Variants in PLD5 observed in about 807,000 individuals in gnomAD.
PLD5 encodes the protein phospholipase D family member 5, also known as inactive phospholipase D5.
PLD5 carries 36 observed loss-of-function variants against 61.1 expected under a neutral mutation model. The ratio of observed to expected loss-of-function variants is 0.59; its 90% CI spans 0.45 to 0.78. The LOEUF (loss-of-function observed/expected upper bound fraction) is 0.78, where lower values mean the gene tolerates loss of function less well. PLD5 is among the 30% of genes least tolerant of loss of function. PLD5 has a pLI of 0.00. For synonymous variants in PLD5, 243 were observed against 242.8 expected (o/e 1.00, Z -0.01); for missense variants, 515 against 644.4 (o/e 0.80, Z 2.17).
At chr1:242,346,023 C>A (rs868671479) in intron 2 of PLD5, among the ~76,000 whole-genome samples, 1 of 72,824 alleles carries the variant, frequency 1.4e-5, no homozygotes, top group Non-Finnish European at 2.6e-5. Context: ...TCCCCCCCCC[C>A]CATATATACA....
At chr1:242,171,182 G>A (rs1424975504) in intron 5 of PLD5, among the ~76,000 whole-genome samples, 2 of 152,208 alleles carry the variant, frequency 1.3e-5, no homozygotes, top group Non-Finnish European at 2.9e-5. Flanking sequence ...CAGACTAACA[G>A]TAGATCTCTC....
chr1:242,515,922 A>T (rs1572277987), intron 1 of PLD5, among the ~76,000 whole-genome samples: 1 of 152,212 alleles, frequency 6.6e-6, no homozygotes, highest in East Asian at 1.9e-4. Flanking sequence ...AGAAGTTATG[A>T]GAGCTACAGA....
At chr1:242,233,473 T>C (rs1671438480) in intron 4 of PLD5, among the ~76,000 whole-genome samples, 1 of 151,888 alleles carries the variant, frequency 6.6e-6, no homozygotes, top group Admixed American at 6.6e-5. Flanking sequence ...AAATCACTAT[T>C]AGAAGAGACT....
intron 1 of PLD5, among the ~76,000 whole-genome samples, chr1:242,486,795 A>C (rs1312606197): frequency 6.6e-6 from 1 of 152,184 alleles, no homozygotes; most frequent in Non-Finnish European, 1.5e-5. Flanking sequence ...ACAATAGCAA[A>C]GACTTGGAAC....
intron 5 of PLD5, among the ~76,000 whole-genome samples, chr1:242,158,880 A>T (rs1346346657): frequency 6.6e-6 from 1 of 152,128 alleles, no homozygotes; most frequent in Non-Finnish European, 1.5e-5. Flanking sequence ...TGACGAACCT[A>T]TTGAGAGAAA....
chr1:242,124,491 T>G lies in PLD5; in HGVS notation c.910A>C (p.Thr304Pro). The change falls in exon 6 of 10, where the codon ACC becomes CCC. Residue 304 changes from threonine (T) to proline (P), a missense_variant. This residue lies in a region of PLD5 where 450 missense variants were observed against 598.1 expected (regional missense o/e 0.75). Coordinates refer to ENST00000536534, the MANE Select transcript of PLD5 (RefSeq NM_001372062.1). ...ACCGATACAAATGCTTGAGATTTGG[T>G]TTCATTCAACTGAAGTTGCAATTTC... ...EKKLQLQLNE[T>P]KSQAFVSNSP... 6.2e-7 allele frequency: 1 copy of G among 1,614,024 alleles called. No homozygotes were observed. The highest frequency in any genetic ancestry group is 8.5e-7 in the Non-Finnish European group (1 of 1,179,940).
At chr1:242,250,350 C>T (rs1364492155) in intron 4 of PLD5, among the ~76,000 whole-genome samples, 3 of 152,104 alleles carry the variant, frequency 2.0e-5, no homozygotes, top group Non-Finnish European at 4.4e-5. Flanking sequence ...GGTAGAAACA[C>T]GCATTACAGT....
At chr1:242,099,434 T>G (rs1407734407) in intron 9 of PLD5, among the ~76,000 whole-genome samples, 2 of 152,168 alleles carry the variant, frequency 1.3e-5, no homozygotes, top group African/African-American at 4.8e-5. Context: ...GCCAGATATA[T>G]ATCTTTAAAA....
At chr1:242,092,939 A>G (rs1262257575) in intron 9 of PLD5, among the ~76,000 whole-genome samples, 1 of 152,090 alleles carries the variant, frequency 6.6e-6, no homozygotes, top group Non-Finnish European at 1.5e-5. Context: ...CCTAAACCAA[A>G]TATCAGCAGA....
intron 4 of PLD5, among the ~76,000 whole-genome samples, chr1:242,220,714 ATTTTATTTTATTT>A (rs1670523150): frequency 2.2e-5 from 3 of 134,032 alleles, no homozygotes; most frequent in South Asian, 2.2e-4. Flanking sequence ...TTTATATTTT[ATTTTATTTTATTT>A]TATTTTATTT....
At chr1:242,494,876 TTC>T (rs1253570246) in intron 1 of PLD5, among the ~76,000 whole-genome samples, 1 of 127,220 alleles carries the variant, frequency 7.9e-6, no homozygotes, top group Non-Finnish European at 1.7e-5. Flanking sequence ...TTTTTTTCTT[TTC>T]TGTTTTTTTT....
chr1:242,253,401 C>CT (rs1672828954), intron 4 of PLD5, among the ~76,000 whole-genome samples: 1 of 150,946 alleles, frequency 6.6e-6, no homozygotes. Context: ...CAAGCTCTGC[C>CT]CCCTGGGGTT....
At chr1:242,171,360 T>C (rs1321346746) in intron 5 of PLD5, among the ~76,000 whole-genome samples, 1 of 152,184 alleles carries the variant, frequency 6.6e-6, no homozygotes, top group Non-Finnish European at 1.5e-5. Context: ...CCACCAGGCC[T>C]GCCTTACAGG....
At chr1:242,206,801 A>G (rs1669344017) in intron 5 of PLD5, among the ~76,000 whole-genome samples, 1 of 152,168 alleles carries the variant, frequency 6.6e-6, no homozygotes, top group South Asian at 2.1e-4. Flanking sequence ...GCAGAGGTAG[A>G]AGAGGTGGAG....
chr1:242,362,231 T>C (rs1368437037), intron 1 of PLD5, among the ~76,000 whole-genome samples: 2 of 152,100 alleles, frequency 1.3e-5, no homozygotes, highest in Non-Finnish European at 2.9e-5. Context: ...ATTCCCTATA[T>C]GAAAAATATG....
rs567195623 is a variant in PLD5 at position 242,522,397 on chromosome 1, C to G, written c.189+1691G>C. 3.9e-4 allele frequency among the ~76,000 whole-genome samples: 60 copies of G among 152,236 alleles called. 1 individual carries two copies. The highest frequency in any genetic ancestry group is 1.3e-3 in the African/African-American group (54 of 41,550). Reference sequence around the variant, plus strand: ...GACTGCTGTGGCACACATGGTATGACTTGATACTTTCAATGAAAATCTAAA... The same window carrying G: ...GACTGCTGTGGCACACATGGTATGAGTTGATACTTTCAATGAAAATCTAAA... On this transcript the variant is annotated intron_variant, in intron 1 of 9. Coordinates refer to ENST00000536534, the MANE Select transcript of PLD5 (RefSeq NM_001372062.1).
At chr1:242,379,717 A>T (rs148810945) in intron 1 of PLD5, among the ~76,000 whole-genome samples, 40 of 152,046 alleles carry the variant, frequency 2.6e-4, no homozygotes, top group African/African-American at 9.4e-4. Context: ...TGACAGGTTG[A>T]CCTCTTTTAT....
intron 5 of PLD5, among the ~76,000 whole-genome samples, chr1:242,140,336 C>T (rs1224040789): frequency 6.6e-6 from 1 of 152,162 alleles, no homozygotes; most frequent in Non-Finnish European, 1.5e-5. Flanking sequence ...ATCCCAAAAC[C>T]TTGCTATGTA....
At chr1:242,274,506 G>T (rs2149117462) in intron 3 of PLD5, among the ~76,000 whole-genome samples, 1 of 152,352 alleles carries the variant, frequency 6.6e-6, no homozygotes, top group African/African-American at 2.4e-5. Context: ...TGTAATCCCA[G>T]CATTTTGGGA....
Sources: gnomAD v4.1 joint callset for allele counts (sites outside exome capture counted in the v4.1 genomes callset) on GRCh38, gnomAD v4.1.1 for gene constraint, gnomAD v4.1.1 regional missense constraint, MANE v1.5 for transcripts, NCBI Gene and HGNC (gene_info 2026-07-23, HGNC 2026-07-21) for gene names.